The following ATF1 variants were observed in gnomAD, a reference collection of about 807,000 sequenced individuals.
ATF1 encodes the protein activating transcription factor 1, also known as cyclic AMP-dependent transcription factor ATF-1.
ATF1 carries 16 observed loss-of-function variants against 34.7 expected under a neutral mutation model. The observed-to-expected ratio is 0.46, with a 90% CI of 0.31 to 0.70. ATF1 has a LOEUF of 0.70. Among genes scored for constraint, ATF1 ranks in the 30% least tolerant of loss-of-function variants. The pLI is 0.05. For missense variants in ATF1, 255 were observed against 321.6 expected, an observed-to-expected ratio of 0.79 and a Z score of 1.58; for synonymous variants, 105 against 113.1, an observed-to-expected ratio of 0.93 and a Z score of 0.46.
At position 50,809,395 on chromosome 12, in the gene ATF1, AT is replaced by A. The variant is rs1162584205; in HGVS notation, c.195-59del. 374 of 1,197,980 alleles carry A rather than the reference AT, an allele frequency of 3.1e-4. 17 individuals carry two copies. The highest frequency in any genetic ancestry group is 1.5e-3 in the Middle Eastern group (5 of 3,298). 74.2% of individuals were successfully genotyped at this position (1,197,980 alleles called of 1,614,324 possible). A position where few individuals can be genotyped will look rare whatever the true frequency, so the allele number is the denominator to read the frequency against. On this transcript the variant is annotated intron_variant, in intron 3 of 6. Transcript: ENST00000262053. ...TCTCAAAAAAAAAAAAAAAAAAAAAATTATTTTTGTGAAGTCATTCACATTA... is the reference window on the plus strand; with the variant it reads ...TCTCAAAAAAAAAAAAAAAAAAAAAATATTTTTGTGAAGTCATTCACATTA...
rs1018544061 is a variant in ATF1 at position 50,776,805 on chromosome 12, G to A, written c.-6-3335G>A. Among the ~76,000 whole-genome samples the A allele has an allele frequency of 9.2e-5, 14 of 152,210 alleles. No individual in the cohort carries two copies. In the South Asian group the frequency reaches 2.9e-3, roughly 32 times the overall value. ...TTATGCACCAAAGATGTTCATGACA[G>A]TATTGTTTTAGTAAAAAATACAATT... On this transcript the variant is annotated intron_variant, in intron 1 of 6. Transcript: ENST00000262053.
intron 3 of ATF1, 140 bp downstream of exon 3, chr12:50,796,149 A>T (rs1275485441): frequency 2.9e-6 from 2 of 683,266 alleles, no homozygotes; most frequent in Non-Finnish European, 4.7e-6. Context: ...TATAATCCCA[A>T]CCCTTTCGGA....
At position 50,817,847 on chromosome 12, in the gene ATF1, C is replaced by T. The variant is rs188335776; in HGVS notation, c.672-1788C>T. 7.2e-5 allele frequency among the ~76,000 whole-genome samples: 11 copies of T among 152,228 alleles called. No homozygotes were observed. The East Asian group carries it at 1.9e-3, about 27-fold the overall frequency. ...ACATGAAATTATTCCAAACTTTGTGCATAATGAGGGAAATGTTAAAGCAGT... is the reference window on the plus strand; with the variant it reads ...ACATGAAATTATTCCAAACTTTGTGTATAATGAGGGAAATGTTAAAGCAGT... On this transcript the variant is annotated intron_variant, in intron 6 of 6. Coordinates refer to ENST00000262053, the MANE Select transcript of ATF1 (RefSeq NM_005171.5).
intron 3 of ATF1, chr12:50,806,380 A>T: frequency 2.0e-6 from 1 of 507,974 alleles, no homozygotes; most frequent in South Asian, 1.5e-5. Flanking sequence ...ACAAAATGCC[A>T]TAAGGATGAC....
At chr12:50,788,135 G>A (rs1941223962) in intron 2 of ATF1, 1 of 429,462 alleles carries the variant, frequency 2.3e-6, no homozygotes, top group Non-Finnish European at 4.6e-6. Flanking sequence ...GTAAAATGTG[G>A]CTGATAGGTC....
intron 2 of ATF1, chr12:50,788,353 T>C: frequency 2.7e-6 from 1 of 364,040 alleles, no homozygotes; most frequent in South Asian, 2.0e-5. Context: ...CGGCTAAACT[T>C]TTTGTATTTT....
intron 1 of ATF1, among the ~76,000 whole-genome samples, chr12:50,776,494 A>T (rs1470298629): frequency 3.4e-5 from 4 of 116,206 alleles, no homozygotes; most frequent in African/African-American, 8.3e-5. Flanking sequence ...CCCTGTCTTT[A>T]AAAAAAAAAA....
At chr12:50,768,469 A>C (rs1209402903) in intron 1 of ATF1, among the ~76,000 whole-genome samples, 1 of 152,244 alleles carries the variant, frequency 6.6e-6, no homozygotes, top group African/African-American at 2.4e-5. Context: ...TGGGAAAAAC[A>C]AGAGGCACCA....
chr12:50,763,991 C>G (rs1375598726), upstream of ATF1: 11 of 152,386 alleles, frequency 7.2e-5, no homozygotes, highest in Non-Finnish European at 1.0e-4. Context: ...CGGCGGCCCG[C>G]GCGGAGGCAG....
chr12:50,792,941 T>C (rs907068709), intron 2 of ATF1, among the ~76,000 whole-genome samples: 3 of 152,144 alleles, frequency 2.0e-5, no homozygotes, highest in Non-Finnish European at 2.9e-5. Context: ...CTTACAAAAG[T>C]ACGAAAGAAA....
At chr12:50,793,846 T>C (rs1217715108) in intron 2 of ATF1, among the ~76,000 whole-genome samples, 1 of 152,160 alleles carries the variant, frequency 6.6e-6, no homozygotes, top group Admixed American at 6.5e-5. Context: ...GGAAATTTCA[T>C]GTCTAAATAG....
intron 3 of ATF1, among the ~76,000 whole-genome samples, chr12:50,809,040 A>G (rs1005308392): frequency 6.6e-5 from 10 of 151,612 alleles, no homozygotes; most frequent in African/African-American, 2.4e-4. Flanking sequence ...GACTGGCCCG[A>G]TTATTATAAC....
At position 50,765,032 on chromosome 12, in the gene ATF1, C is replaced by T. The variant is rs569120993; in HGVS notation, c.-7+725C>T. On this transcript the variant is annotated intron_variant, in intron 1 of 6. Transcript: ENST00000262053. ...GAAGCCTGGCATTTCTCACTTTGAT[C>T]GACGCCGTGCAGCTGGCGGCTGAAT... Among the ~76,000 whole-genome samples the T allele has an allele frequency of 3.3e-5, 5 of 152,324 alleles. No individual in the cohort carries two copies. The South Asian group carries it at 1.0e-3, about 32-fold the overall frequency.
intron 1 of ATF1, among the ~76,000 whole-genome samples, chr12:50,777,780 C>A (rs529438373): frequency 7.3e-4 from 106 of 145,000 alleles, no homozygotes; most frequent in South Asian, 6.5e-4. Flanking sequence ...GACCCTGTCT[C>A]AAAAAAAAAA....
intron 3 of ATF1, among the ~76,000 whole-genome samples, chr12:50,801,271 A>G (rs577695523): frequency 1.3e-4 from 20 of 152,242 alleles, no homozygotes; most frequent in African/African-American, 9.6e-5. Context: ...TAGTGATTCT[A>G]TGTAGACTAT....
At chr12:50,792,791 A>G (rs2139666909) in intron 2 of ATF1, among the ~76,000 whole-genome samples, 1 of 152,070 alleles carries the variant, frequency 6.6e-6, no homozygotes, top group Non-Finnish European at 1.5e-5. Context: ...AAGGGAAAGC[A>G]CCCTTTTATC....
chr12:50,775,323 T>TG (rs1035765258), intron 1 of ATF1, among the ~76,000 whole-genome samples: 21 of 151,606 alleles, frequency 1.4e-4, no homozygotes, highest in South Asian at 2.1e-4. Context: ...TTGATATGTG[T>TG]GTTTTTTTTT....
chr12:50,809,389 AAAAAAATTATT>A (rs1401012017), intron 3 of ATF1, 56 bp from the exon 4 acceptor site: 43 of 1,325,966 alleles, frequency 3.2e-5, no homozygotes, highest in Middle Eastern at 2.7e-4. Flanking sequence ...AAAAAAAAAA[AAAAAAATTATT>A]TTTGTGAAGT....
Position 50,814,270 on chromosome 12 carries a change from T to A in ATF1, c.512-10T>A, listed in dbSNP as rs1295157002. Reference sequence around the variant, plus strand: ...ACTAACTAACTCATTCACTCTTGTTTACCATCTAGCTGCATCAGGAGATAT... The same window carrying A: ...ACTAACTAACTCATTCACTCTTGTTAACCATCTAGCTGCATCAGGAGATAT... On this transcript the variant is annotated splice_polypyrimidine_tract_variant and intron_variant, in intron 5 of 6. Transcript: ENST00000262053. 1 of 1,614,036 alleles carries A rather than the reference T, an allele frequency of 6.2e-7. No individual in the cohort carries two copies. Among genetic ancestry groups the A allele is most frequent in the Admixed American group, 1.7e-5 (1 of 60,008 alleles).
Sources: allele counts gnomAD v4.1 joint callset (sites outside exome capture counted in the v4.1 genomes callset), GRCh38; gene constraint gnomAD v4.1.1; transcripts MANE v1.5; gene names NCBI Gene and HGNC (gene_info 2026-07-23, HGNC 2026-07-21).